Variants in WDR19 observed in about 807,000 individuals in gnomAD.
WDR19 encodes the protein WD repeat-containing protein 19.
In WDR19, 121 loss-of-function variants were observed where a neutral mutation model predicts 180.0. The observed-to-expected ratio is 0.67, with a 90% CI of 0.58 to 0.78. The LOEUF is 0.78. WDR19 is among the 30% of genes least tolerant of loss of function. The pLI is 0.00. For missense variants in WDR19, 1,450 were observed against 1,640.7 expected, an observed-to-expected ratio of 0.88 and a Z score of 2.01; for synonymous variants, 497 against 540.7, an observed-to-expected ratio of 0.92 and a Z score of 1.12.
At chr4:39,221,132 A>G (rs59695549) in intron 14 of WDR19, among the ~76,000 whole-genome samples, 2,148 of 152,250 alleles carry the variant, frequency 0.014, 54 homozygotes, top group African/African-American at 0.049. Flanking sequence ...GATAATATAC[A>G]TCAGTAAGGT....
intron 13 of WDR19, 51 bp downstream of exon 13, chr4:39,217,291 C>A: frequency 7.3e-7 from 1 of 1,361,994 alleles, no homozygotes; most frequent in African/African-American, 1.4e-5. Context: ...AATGAACAGC[C>A]TAATGTCTGA....
At chr4:39,182,730 C>T (rs1431868484) in intron 1 of WDR19, among the ~76,000 whole-genome samples, 167 bp downstream of exon 1, 2 of 151,542 alleles carry the variant, frequency 1.3e-5, no homozygotes, top group Non-Finnish European at 2.9e-5. Flanking sequence ...GCTGAAGGGA[C>T]GAGAGAAAGG....
intron 24 of WDR19, among the ~76,000 whole-genome samples, chr4:39,248,720 C>T (rs1732803590): frequency 1.3e-5 from 2 of 152,092 alleles, no homozygotes; most frequent in African/African-American, 4.8e-5. Context: ...TCGGATAAAA[C>T]AGACTTCAAA....
intron 28 of WDR19, among the ~76,000 whole-genome samples, chr4:39,259,186 C>T (rs578064933): frequency 1.2e-3 from 190 of 152,290 alleles, no homozygotes; most frequent in African/African-American, 4.3e-3. Flanking sequence ...ATGCCCATCC[C>T]GAGTTAATTA....
intron 4 of WDR19, among the ~76,000 whole-genome samples, chr4:39,192,734 TTA>T (rs1484380215): frequency 6.6e-6 from 1 of 152,160 alleles, no homozygotes; most frequent in Non-Finnish European, 1.5e-5. Flanking sequence ...AGTGCTAGGA[TTA>T]TAGGCGTGAG....
intron 19 of WDR19, 128 bp downstream of exon 19, chr4:39,232,400 G>A: frequency 1.4e-6 from 1 of 717,838 alleles, no homozygotes. Flanking sequence ...CAAGGTGGAT[G>A]GATCGCCTGA....
At chr4:39,266,342 A>T (rs1193336564) in intron 29 of WDR19, among the ~76,000 whole-genome samples, 1 of 152,218 alleles carries the variant, frequency 6.6e-6, no homozygotes, top group Non-Finnish European at 1.5e-5. Context: ...TGGGCCACAC[A>T]TAAAATACAC....
chr4:39,222,489 A>C (rs1211128461), intron 14 of WDR19, among the ~76,000 whole-genome samples: 14 of 152,150 alleles, frequency 9.2e-5, no homozygotes, highest in Non-Finnish European at 1.8e-4. Flanking sequence ...ATCTTTGCCT[A>C]ACCCAGCGTC....
intron 20 of WDR19, among the ~76,000 whole-genome samples, 199 bp downstream of exon 20, chr4:39,235,074 T>C (rs925529772): frequency 1.3e-5 from 2 of 152,202 alleles, no homozygotes; most frequent in Admixed American, 1.3e-4. Context: ...GTTTTCAGCA[T>C]CAAAATCTAA....
intron 1 of WDR19, among the ~76,000 whole-genome samples, chr4:39,183,250 C>T (rs1351449224): frequency 9.2e-4 from 73 of 79,242 alleles, no homozygotes; most frequent in East Asian, 1.3e-3. Context: ...AAATGGAAGG[C>T]TTTTTTTTTT....
chr4:39,189,112 C>T (rs537068755), intron 3 of WDR19, among the ~76,000 whole-genome samples: 8 of 151,812 alleles, frequency 5.3e-5, no homozygotes, highest in Non-Finnish European at 1.0e-4. Flanking sequence ...TTAGTAGAGA[C>T]GGGGTTTCTC....
chr4:39,224,197 A>G (rs1353258838), intron 14 of WDR19, among the ~76,000 whole-genome samples: 1 of 152,070 alleles, frequency 6.6e-6, no homozygotes, highest in East Asian at 1.9e-4. Context: ...CTTAAAATTA[A>G]TTTTCTAATT....
At chr4:39,196,620 C>G (rs1726773618) in intron 5 of WDR19, among the ~76,000 whole-genome samples, 2 of 152,188 alleles carry the variant, frequency 1.3e-5, no homozygotes. Flanking sequence ...TCTGCAGTCT[C>G]CTCTTTACTG....
chr4:39,250,769 A>G (rs1733080589), intron 24 of WDR19, among the ~76,000 whole-genome samples: 1 of 152,150 alleles, frequency 6.6e-6, no homozygotes, highest in African/African-American at 2.4e-5. Context: ...TGCTTCAAAG[A>G]GAATAAAATA....
At chr4:39,192,582 G>C (rs929877801) in intron 4 of WDR19, among the ~76,000 whole-genome samples, 2 of 152,116 alleles carry the variant, frequency 1.3e-5, no homozygotes, top group African/African-American at 4.8e-5. Context: ...CGATTCTCCT[G>C]CCTCAGCCTC....
In WDR19 at chr4:39,215,938, TG is replaced by T; in HGVS notation, c.1063del (p.Asp355MetfsTer18). ...TTTTCCTGACCAAGCTTCCCATACT[TG>T]GGGATGCCTGCAGCACAAGGATTGC... Reference protein sequence around the residue: ...HVFLTKLPILGDACSTRIAYL... With the variant: ...HVFLTKLPILXDACSTRIAYL... On this transcript the variant is annotated frameshift_variant, in exon 11 of 37. Coordinates refer to ENST00000399820, the MANE Select transcript of WDR19 (RefSeq NM_025132.4). LOFTEE classifies it high-confidence loss of function. 1 of 1,613,630 alleles carries T rather than the reference TG, an allele frequency of 6.2e-7. No homozygotes were observed. Among genetic ancestry groups the T allele is most frequent in the Non-Finnish European group, 8.5e-7 (1 of 1,179,720 alleles).
intron 36 of WDR19, among the ~76,000 whole-genome samples, chr4:39,284,324 A>AAGT (rs1444076622): frequency 7.5e-6 from 1 of 133,208 alleles, no homozygotes; most frequent in African/African-American, 2.8e-5. Flanking sequence ...CTAAGTAAGT[A>AAGT]AAAAAAATTT....
In WDR19 at chr4:39,274,640, A is replaced by T. The variant is rs1735717716; in HGVS notation, c.3566-168A>T. The T allele has an allele frequency of 4.1e-6, 3 of 732,294 alleles. No homozygotes were observed. In the Admixed American group the frequency reaches 8.6e-5, roughly 21 times the overall value. The allele number at this position is 732,294 out of a possible 1,614,324, so 45.4% of individuals were successfully genotyped here. A position where few individuals can be genotyped will look rare whatever the true frequency, so the allele number is the denominator to read the frequency against. ...CTTGATGGGCAGTTAGCCTGACCCC[A>T]CAGCTACGTACTTTCCTCATTAAAC... On this transcript the variant is annotated intron_variant, in intron 32 of 36. Transcript: ENST00000399820.
In WDR19 at chr4:39,281,215, G is replaced by GTA. The variant is rs1553919965; in HGVS notation, c.*13+2573_*13+2574dup. On this transcript the variant is annotated intron_variant, in intron 36 of 36. Coordinates refer to ENST00000399820, the MANE Select transcript of WDR19 (RefSeq NM_025132.4). ...TTGTCCTAAATATATATGTGTGTGT[G>GTA]TATATATATATATATATATATAGAG... Among the ~76,000 whole-genome samples, 757 of 110,090 alleles carry GTA rather than the reference G, an allele frequency of 6.9e-3. 6 individuals carry two copies. Among genetic ancestry groups the GTA allele is most frequent in the Non-Finnish European group, 8.6e-3 (472 of 54,624 alleles). 72.2% of individuals were successfully genotyped at this position (110,090 alleles called of 152,430 possible). A position where few individuals can be genotyped will look rare whatever the true frequency, so the allele number is the denominator to read the frequency against.
Sources: gnomAD v4.1 joint callset for allele counts (sites outside exome capture counted in the v4.1 genomes callset) on GRCh38, gnomAD v4.1.1 for gene constraint, MANE v1.5 for transcripts, NCBI Gene and HGNC (gene_info 2026-07-23, HGNC 2026-07-21) for gene names.